Variants in DCC observed in about 807,000 individuals in gnomAD.
The protein encoded by DCC is DCC netrin 1 receptor, also known as netrin receptor DCC.
In DCC, 58 loss-of-function variants were observed where a neutral mutation model predicts 172.5. The observed-to-expected ratio is 0.34, with a 90% CI of 0.27 to 0.42. DCC has a LOEUF of 0.42. DCC is among the 10% of genes least tolerant of loss of function. The probability of loss-of-function intolerance (pLI) is 1.00; values close to 1 mark genes in which losing one functional copy is unlikely to be tolerated. For synonymous variants in DCC, 709 were observed against 644.5 expected (o/e 1.10, Z -1.52); for missense variants, 1,740 against 1,791.0 (o/e 0.97, Z 0.51).
At chr18:53,386,199 AAACT>A in intron 16 of DCC, 61 bp downstream of exon 16, 1 of 1,092,916 alleles carries the variant, frequency 9.1e-7, no homozygotes, top group Non-Finnish European at 1.4e-6. Context: ...GAAAAAAGAA[AAACT>A]AAAATAAAAT....
intron 25 of DCC, among the ~76,000 whole-genome samples, chr18:53,472,832 T>C (rs1014330289): frequency 6.6e-6 from 1 of 152,180 alleles, no homozygotes; most frequent in East Asian, 1.9e-4. Flanking sequence ...GGCTCCCATT[T>C]GTCTGCCAAG....
At chr18:52,402,480 A>G (rs146960778) in intron 1 of DCC, among the ~76,000 whole-genome samples, 1 of 152,084 alleles carries the variant, frequency 6.6e-6, no homozygotes, top group East Asian at 1.9e-4. Context: ...TGCCCCAGGA[A>G]AGTACCCATC....
At chr18:52,398,202 G>T (rs890885372) in intron 1 of DCC, among the ~76,000 whole-genome samples, 136 of 151,974 alleles carry the variant, frequency 8.9e-4, no homozygotes, top group African/African-American at 3.1e-3. Flanking sequence ...CACAACTTTG[G>T]TCCCATTACC....
intron 1 of DCC, among the ~76,000 whole-genome samples, chr18:52,403,680 G>A (rs1266489772): frequency 6.6e-6 from 1 of 152,008 alleles, no homozygotes; most frequent in East Asian, 1.9e-4. Flanking sequence ...AGGAGGGAAG[G>A]AGGAGGCAAT....
At chr18:53,521,830 T>A (rs2046402299) in intron 27 of DCC, among the ~76,000 whole-genome samples, 1 of 152,114 alleles carries the variant, frequency 6.6e-6, no homozygotes, top group South Asian at 2.1e-4. Context: ...CAAGGGAGTC[T>A]AGGTCAAAAA....
chr18:52,610,162 AAAAAAAAAAAAAAAAAATATATATATAT>A (rs1407314333), intron 1 of DCC, among the ~76,000 whole-genome samples: 13 of 17,200 alleles, frequency 7.6e-4, no homozygotes, highest in Admixed American at 2.2e-3. Context: ...AAAAAAAAAA[AAAAAAAAAAAAAAAAAATATATATATAT>A]ATATATATAT....
rs1434340986 is a variant in DCC at position 53,446,110 on chromosome 18, AAAAAC to A, written c.3230-4385_3230-4381del. 2.6e-3 allele frequency among the ~76,000 whole-genome samples: 361 copies of A among 138,216 alleles called. 9 individuals are homozygous for A. Among genetic ancestry groups the A allele is most frequent in the African/African-American group, 0.01 (344 of 32,856 alleles). 90.7% of individuals were successfully genotyped at this position (138,216 alleles called of 152,430 possible). On this transcript the variant is annotated intron_variant, in intron 22 of 28. Transcript: ENST00000442544. ...GACCCTGTCTCTACAAAAAAAAAAA[AAAAAC>A]AAAAAAAAACACTTAAAAATTTTCC...
chr18:53,508,498 T>G (rs962501701), intron 27 of DCC, among the ~76,000 whole-genome samples: 1 of 152,234 alleles, frequency 6.6e-6, no homozygotes, highest in Non-Finnish European at 1.5e-5. Context: ...TGGCTAAGAC[T>G]GCATTTTTTT....
chr18:52,869,168 G>C (rs1298666690), intron 2 of DCC, among the ~76,000 whole-genome samples: 2 of 152,202 alleles, frequency 1.3e-5, no homozygotes, highest in African/African-American at 2.4e-5. Context: ...CTCGCCATTT[G>C]TTGGTTCCCA....
intron 1 of DCC, among the ~76,000 whole-genome samples, chr18:52,520,891 C>A (rs1304293026): frequency 6.6e-6 from 1 of 152,084 alleles, no homozygotes; most frequent in East Asian, 1.9e-4. Context: ...TGGTCAAAAC[C>A]TGTAAACAAA....
At chr18:52,494,561 C>T (rs1317812544) in intron 1 of DCC, among the ~76,000 whole-genome samples, 1 of 151,864 alleles carries the variant, frequency 6.6e-6, no homozygotes, top group Non-Finnish European at 1.5e-5. Context: ...TGACTTCCTT[C>T]ATTTTACTAA....
chr18:52,449,417 A>C (rs28584312), intron 1 of DCC, among the ~76,000 whole-genome samples: 69 of 152,370 alleles, frequency 4.5e-4, no homozygotes, highest in African/African-American at 1.5e-3. Flanking sequence ...AAAGATGCAT[A>C]GATGATAACT....
intron 12 of DCC, among the ~76,000 whole-genome samples, chr18:53,275,058 A>G (rs977584636): frequency 6.6e-6 from 1 of 152,158 alleles, no homozygotes; most frequent in Non-Finnish European, 1.5e-5. Flanking sequence ...GCAAATAAAG[A>G]TAATTAATAT....
chr18:52,772,431 A>G (rs570361578), intron 2 of DCC, among the ~76,000 whole-genome samples: 1 of 152,312 alleles, frequency 6.6e-6, no homozygotes, highest in African/African-American at 2.4e-5. Context: ...GATGATTTGT[A>G]TTAGAGTTTT....
rs1400939097 is a variant in DCC at position 53,391,955 on chromosome 18, C to G, written c.2688+68C>G. 1.2e-5 allele frequency: 11 copies of G among 898,456 alleles called. No individual in the cohort carries two copies. In the Admixed American group the frequency reaches 1.9e-4, roughly 16 times the overall value. The allele number at this position is 898,456 out of a possible 1,614,324, so 55.7% of individuals were successfully genotyped here. A position where few individuals can be genotyped will look rare whatever the true frequency, so the allele number is the denominator to read the frequency against. On this transcript the variant is annotated intron_variant, in intron 17 of 28. Coordinates refer to ENST00000442544, the MANE Select transcript of DCC (RefSeq NM_005215.4). Reference sequence around the variant, plus strand: ...ATTTGTTTAACACATTGTTTTAAACCTCTCCTGGACTGTCATGAGTCGTTT... The same window carrying G: ...ATTTGTTTAACACATTGTTTTAAACGTCTCCTGGACTGTCATGAGTCGTTT...
rs142051900 is a variant in DCC at position 52,600,253 on chromosome 18, A to C, written c.92-151801A>C. On this transcript the variant is annotated intron_variant, in intron 1 of 28. Transcript: ENST00000442544. ...ATAACTAGCGTCCCCAGCTCTATTT[A>C]TTGAAATGACCAGGTTTTCCTCACA... 6.7e-3 allele frequency among the ~76,000 whole-genome samples: 1,013 copies of C among 152,250 alleles called. 7 individuals are homozygous for C. Among genetic ancestry groups the C allele is most frequent in the Non-Finnish European group, 0.012 (783 of 68,016 alleles).
chr18:53,459,448 C>G lies in DCC; in HGVS notation c.3609C>G (p.Thr1203=). The G allele has an allele frequency of 1.2e-6, 2 of 1,606,014 alleles. No individual in the cohort carries two copies. The highest frequency in any genetic ancestry group is 1.7e-6 in the Non-Finnish European group (2 of 1,172,918). ...AAACCCAACTGGGAAGCAAAAGCAC[C>G]TCTCATTCAGGTAATTATCTTTTCA... ...QSETQLGSKS[T]SHSGQDTEEA... The change falls in exon 24 of 29, where the codon ACC becomes ACG. Residue 1203 remains threonine, a synonymous_variant. Transcript: ENST00000442544.
At chr18:52,843,296 T>C (rs1267167411) in intron 2 of DCC, among the ~76,000 whole-genome samples, 3 of 152,132 alleles carry the variant, frequency 2.0e-5, no homozygotes, top group South Asian at 2.1e-4. Context: ...ATATGAATAA[T>C]TTTTTTACCT....
intron 12 of DCC, among the ~76,000 whole-genome samples, chr18:53,228,302 G>A (rs2056066951): frequency 6.6e-6 from 1 of 152,030 alleles, no homozygotes; most frequent in African/African-American, 2.4e-5. Flanking sequence ...TCTTAATTTG[G>A]AAGGTTTATC....
Sources: gnomAD v4.1 joint callset for allele counts (sites outside exome capture counted in the v4.1 genomes callset) on GRCh38, gnomAD v4.1.1 for gene constraint, MANE v1.5 for transcripts, NCBI Gene and HGNC (gene_info 2026-07-23, HGNC 2026-07-21) for gene names.